The following DCLK1 variants were observed in gnomAD, a reference collection of about 807,000 sequenced individuals.
DCLK1 encodes the protein doublecortin like kinase 1.
DCLK1 carries 16 observed loss-of-function variants against 86.2 expected under a neutral mutation model. The observed-to-expected ratio is 0.19, with a 90% confidence interval of 0.13 to 0.28. The LOEUF (loss-of-function observed/expected upper bound fraction) is 0.28, where lower values mean the gene tolerates loss of function less well. DCLK1 is among the 10% of genes least tolerant of loss of function. The probability of loss-of-function intolerance (pLI) is 1.00; values close to 1 mark genes in which losing one functional copy is unlikely to be tolerated. For synonymous variants in DCLK1, 369 were observed against 370.5 expected (o/e 1.00, Z 0.05); for missense variants, 590 against 940.2 (o/e 0.63, Z 4.87).
intron 3 of DCLK1, among the ~76,000 whole-genome samples, chr13:35,948,229 C>T (rs973687013): frequency 1.3e-5 from 2 of 152,336 alleles, no homozygotes; most frequent in Non-Finnish European, 2.9e-5. Context: ...TTTGGATAGA[C>T]TATGTAATAT....
intron 4 of DCLK1, among the ~76,000 whole-genome samples, chr13:35,929,070 C>T (rs1163875649): frequency 6.6e-6 from 1 of 152,146 alleles, no homozygotes; most frequent in East Asian, 1.9e-4. Context: ...GCTGGGACTA[C>T]AGGCGCCCAC....
At chr13:36,113,598 A>G (rs1274351110) in intron 2 of DCLK1, among the ~76,000 whole-genome samples, 1 of 152,174 alleles carries the variant, frequency 6.6e-6, no homozygotes, top group Non-Finnish European at 1.5e-5. Context: ...TGACCTGCAC[A>G]TGATAGTGGG....
rs2086334937 is a variant in DCLK1, at chr13:35,771,625, T to C, written c.*2910A>G. ...TTCCTTAACTAGTCTACTATCAAAC[T>C]GAAAAGATGAATCTTAAAATTCCCT... is the stretch of plus-strand genomic sequence containing the variant. On this transcript the variant is annotated 3_prime_UTR_variant, in exon 17 of 17. Transcript: ENST00000360631. 6.6e-6 allele frequency: 1 copy of C among 152,136 alleles called. No homozygotes were observed. Among genetic ancestry groups the C allele is most frequent in the African/African-American group, 2.4e-5 (1 of 41,430 alleles). 9.4% of individuals were successfully genotyped at this position (152,136 alleles called of 1,614,324 possible).
chr13:35,962,844 G>C (rs539784392), intron 3 of DCLK1, among the ~76,000 whole-genome samples: 1 of 152,284 alleles, frequency 6.6e-6, no homozygotes, highest in South Asian at 2.1e-4. Context: ...ACCATGACCA[G>C]TTCCTGATTG....
rs58801666 is a variant in DCLK1 at position 35,901,491 on chromosome 13, C to CAAAAAAAAAAAAAA, written c.824-30165_824-30152dup. Among the ~76,000 whole-genome samples the CAAAAAAAAAAAAAA allele has an allele frequency of 2.6e-4, 12 of 45,878 alleles. 1 individual carries two copies. The highest frequency in any genetic ancestry group is 1.2e-3 in the African/African-American group (12 of 10,368). 30.1% of individuals were successfully genotyped at this position (45,878 alleles called of 152,430 possible). A position where few individuals can be genotyped will look rare whatever the true frequency, so the allele number is the denominator to read the frequency against. ...GGTGACAGAGTGAGAGACTCTGTCT[C>CAAAAAAAAAAAAAA]AAAAAAAAAAAAAAAAAAAAAAAAA... On this transcript the variant is annotated intron_variant, in intron 4 of 16. Coordinates refer to ENST00000360631, the MANE Select transcript of DCLK1 (RefSeq NM_001330071.2).
At chr13:35,816,955 T>C (rs376210225) in intron 11 of DCLK1, among the ~76,000 whole-genome samples, 16 of 152,328 alleles carry the variant, frequency 1.1e-4, no homozygotes, top group African/African-American at 3.6e-4. Context: ...TTTGGTTATA[T>C]ATTACCAAAT....
intron 16 of DCLK1, among the ~76,000 whole-genome samples, chr13:35,783,173 G>A (rs1482772975): frequency 2.6e-5 from 4 of 152,138 alleles, no homozygotes; most frequent in Middle Eastern, 3.2e-3. Context: ...ATTACTGAGC[G>A]GTTTACTCTA....
At chr13:36,022,636 G>A (rs1881831041) in intron 3 of DCLK1, among the ~76,000 whole-genome samples, 1 of 152,066 alleles carries the variant, frequency 6.6e-6, no homozygotes, top group Admixed American at 6.6e-5. Context: ...AAAACTAACA[G>A]TAGTTGTAAA....
At chr13:36,021,092 T>C (rs180895456) in intron 3 of DCLK1, among the ~76,000 whole-genome samples, 367 of 152,210 alleles carry the variant, frequency 2.4e-3, no homozygotes, top group Non-Finnish European at 3.9e-3. Flanking sequence ...GTATAATTTG[T>C]GTGACAATAA....
At chr13:35,829,812 C>T (rs188122584) in intron 8 of DCLK1, among the ~76,000 whole-genome samples, 86 of 152,300 alleles carry the variant, frequency 5.6e-4, no homozygotes, top group Middle Eastern at 6.8e-3. Context: ...GGGCTCCCCT[C>T]CTGCAGATAT....
At chr13:36,058,433 G>A (rs1045759139) in intron 3 of DCLK1, among the ~76,000 whole-genome samples, 1 of 152,160 alleles carries the variant, frequency 6.6e-6, no homozygotes, top group Non-Finnish European at 1.5e-5. Flanking sequence ...GGACTGAGAG[G>A]GAGATCTAAT....
chr13:35,993,792 G>C (rs1469609775), intron 3 of DCLK1, among the ~76,000 whole-genome samples: 1 of 151,442 alleles, frequency 6.6e-6, no homozygotes, highest in Non-Finnish European at 1.5e-5. Flanking sequence ...CTATCATATG[G>C]TGCTTCAGAG....
chr13:35,879,728 G>A (rs560629235), intron 4 of DCLK1, among the ~76,000 whole-genome samples: 1 of 152,200 alleles, frequency 6.6e-6, no homozygotes, highest in South Asian at 2.1e-4. Context: ...GCAGACACCG[G>A]GCATGAAAAG....
chr13:36,019,369 C>T (rs1211281140), intron 3 of DCLK1, among the ~76,000 whole-genome samples: 1 of 152,204 alleles, frequency 6.6e-6, no homozygotes, highest in African/African-American at 2.4e-5. Context: ...CTTTCTCCTT[C>T]TAGCCCCAAA....
chr13:35,973,978 T>C (rs1242197917), intron 3 of DCLK1, among the ~76,000 whole-genome samples: 1 of 152,010 alleles, frequency 6.6e-6, no homozygotes, highest in Non-Finnish European at 1.5e-5. Context: ...ATTCTGTAAG[T>C]TGAATAAGTT....
intron 16 of DCLK1, among the ~76,000 whole-genome samples, chr13:35,778,498 G>A (rs9545329): frequency 0.13 from 19,349 of 152,128 alleles, 1,482 homozygotes; most frequent in East Asian, 0.34. Flanking sequence ...TCCTATCTCT[G>A]GGAGTAGGGT....
chr13:36,042,153 G>A (rs1882722022), intron 3 of DCLK1, among the ~76,000 whole-genome samples: 1 of 152,120 alleles, frequency 6.6e-6, no homozygotes. Flanking sequence ...ACACATGAGG[G>A]AATATTTGGC....
At chr13:36,066,758 G>C in intron 3 of DCLK1, among the ~76,000 whole-genome samples, 1 of 152,052 alleles carries the variant, frequency 6.6e-6, no homozygotes, top group East Asian at 1.9e-4. Flanking sequence ...GACATGAACA[G>C]ACACTTCTCA....
intron 4 of DCLK1, among the ~76,000 whole-genome samples, chr13:35,890,427 T>C (rs199789590): frequency 2.0e-5 from 3 of 152,242 alleles, no homozygotes; most frequent in East Asian, 3.8e-4. Context: ...GGCCTAATTC[T>C]TATTAATGAC....
Sources: gnomAD v4.1 joint callset for allele counts (sites outside exome capture counted in the v4.1 genomes callset) on GRCh38, gnomAD v4.1.1 for gene constraint, MANE v1.5 for transcripts, NCBI Gene and HGNC (gene_info 2026-07-23, HGNC 2026-07-21) for gene names.